Variants in LRRK2 observed in about 807,000 individuals in gnomAD.
LRRK2 encodes the protein leucine-rich repeat serine/threonine-protein kinase 2.
LRRK2 carries 203 observed loss-of-function variants against 302.6 expected under a neutral mutation model. The observed-to-expected ratio is 0.67, with a 90% confidence interval of 0.60 to 0.75. The LOEUF (loss-of-function observed/expected upper bound fraction) is 0.75. Among genes scored for constraint, LRRK2 ranks in the 30% least tolerant of loss-of-function variants. LRRK2 has a pLI of 0.00. For synonymous variants in LRRK2, 1,066 were observed against 1,031.9 expected, an observed-to-expected ratio of 1.03 and a Z score of -0.63; for missense variants, 2,830 against 2,951.0, an observed-to-expected ratio of 0.96 and a Z score of 0.95.
chr12:40,256,299 A>T (rs1340514011), intron 11 of LRRK2, among the ~76,000 whole-genome samples: 1 of 152,148 alleles, frequency 6.6e-6, no homozygotes, highest in Non-Finnish European at 1.5e-5. Flanking sequence ...ATTAACAAAA[A>T]TTAGCCAGGC....
chr12:40,313,250 A>G (rs1006070992), intron 31 of LRRK2, among the ~76,000 whole-genome samples: 21 of 152,052 alleles, frequency 1.4e-4, no homozygotes, highest in African/African-American at 5.1e-4. Flanking sequence ...TATTTTAAAA[A>G]ACGTTTGGAA....
Position 40,295,660 on chromosome 12 carries a change from C to A in LRRK2, c.3096+16C>A, listed in dbSNP as rs751289707. ...GCTATGTGAAGTAAATTTAATTTAT[C>A]CTTGTAACTTTCAAGACATTTGAAG... On this transcript the variant is annotated intron_variant, in intron 23 of 50. Transcript: ENST00000298910. 2 of 1,606,922 alleles carry A rather than the reference C, an allele frequency of 1.2e-6. No individual in the cohort carries two copies. Among genetic ancestry groups the A allele is most frequent in the South Asian group, 2.2e-5 (2 of 90,818 alleles).
At chr12:40,291,081 A>G (rs1170689175) in intron 20 of LRRK2, among the ~76,000 whole-genome samples, 2 of 152,114 alleles carry the variant, frequency 1.3e-5, no homozygotes, top group Non-Finnish European at 1.5e-5. Context: ...CATGTACACC[A>G]TGGAATACTA....
intron 14 of LRRK2, among the ~76,000 whole-genome samples, chr12:40,265,737 C>A (rs1330687574): frequency 6.6e-6 from 1 of 152,130 alleles, no homozygotes; most frequent in Non-Finnish European, 1.5e-5. Flanking sequence ...CCCCACGCTA[C>A]CTGACTTCAA....
chr12:40,305,926 G>C lies in LRRK2; in HGVS notation c.3919G>C (p.Asp1307His), dbSNP rs1944806223. The C allele has an allele frequency of 6.2e-7, 1 of 1,612,262 alleles. No individual in the cohort carries two copies. The highest frequency in any genetic ancestry group is 2.2e-5 in the East Asian group (1 of 44,832). Residue 1307 changes from aspartate to histidine, a missense_variant, in exon 28 of 51, where the codon GAT becomes CAT. Asp to His is a moderately conservative substitution (Grantham distance 81). Transcript: ENST00000298910. ...LPLDELHLNF[D>H]FKHIGCKAKD... ...TTTGGATGAACTGCATCTTAACTTTGATTTTAAACATATAGGATGTAAAGC... is the reference window on the plus strand; with the variant it reads ...TTTGGATGAACTGCATCTTAACTTTCATTTTAAACATATAGGATGTAAAGC...
In LRRK2 at chr12:40,235,552, CA is replaced by C. The variant is rs75759934; in HGVS notation, c.348-66del. On this transcript the variant is annotated intron_variant, in intron 3 of 50. Coordinates refer to ENST00000298910, the MANE Select transcript of LRRK2 (RefSeq NM_198578.4). ...ATGAGAGTAATAAAAAATAGGTGAGCAAAAAAAATGCAAATAAGCAAACTTT... is the reference window on the plus strand; with the variant it reads ...ATGAGAGTAATAAAAAATAGGTGAGCAAAAAAATGCAAATAAGCAAACTTT... The C allele has an allele frequency of 0.014, 13,678 of 980,726 alleles. 1,192 individuals are homozygous for C. The Admixed American group carries it at 0.17, about 12-fold the overall frequency. 60.8% of individuals were successfully genotyped at this position (980,726 alleles called of 1,614,324 possible). A position where few individuals can be genotyped will look rare whatever the true frequency, so the allele number is the denominator to read the frequency against.
rs66810434 is a variant in LRRK2 at position 40,287,550 on chromosome 12, T to TAA, written c.2689+19_2689+20dup. 3.8e-4 allele frequency: 616 copies of TAA among 1,602,442 alleles called. 2 individuals carry two copies. In the African/African-American group the frequency reaches 5.4e-3, roughly 14 times the overall value. On this transcript the variant is annotated intron_variant, in intron 20 of 50. Transcript: ENST00000298910. Reference sequence around the variant, plus strand: ...ACCTGGATAGTGAAGGTATTTATTATAAAAAAAAACCCTTTATGCTTTATA... The same window carrying TAA: ...ACCTGGATAGTGAAGGTATTTATTATAAAAAAAAAAACCCTTTATGCTTTATA...
intron 39 of LRRK2, among the ~76,000 whole-genome samples, chr12:40,331,621 TA>T (rs1422413872): frequency 6.6e-6 from 1 of 152,202 alleles, no homozygotes; most frequent in Non-Finnish European, 1.5e-5. Flanking sequence ...CATAATGTTT[TA>T]AGAAAGTTTA....
chr12:40,298,161 G>A, intron 23 of LRRK2, 82 bp from the exon 24 acceptor site: 1 of 1,413,280 alleles, frequency 7.1e-7, no homozygotes, highest in South Asian at 1.2e-5. Flanking sequence ...CTAGTTACCA[G>A]AGGTGTGTAA....
chr12:40,361,029 G>A (rs1026397719), intron 47 of LRRK2, among the ~76,000 whole-genome samples: 3 of 152,018 alleles, frequency 2.0e-5, no homozygotes, highest in South Asian at 2.1e-4. Context: ...TTTCAACATT[G>A]GCTGTGCATT....
intron 39 of LRRK2, among the ~76,000 whole-genome samples, chr12:40,330,660 G>GAT (rs1255599998): frequency 2.0e-5 from 3 of 151,932 alleles, no homozygotes; most frequent in Non-Finnish European, 2.9e-5. Flanking sequence ...TGGGACATAT[G>GAT]ATATATATAT....
At chr12:40,246,561 C>T (rs969787747) in intron 7 of LRRK2, among the ~76,000 whole-genome samples, 1 of 152,076 alleles carries the variant, frequency 6.6e-6, no homozygotes, top group African/African-American at 2.4e-5. Context: ...TCTAAACCAA[C>T]TGCTTCTAGG....
At chr12:40,238,252 G>A in intron 5 of LRRK2, 149 bp downstream of exon 5, 1 of 792,382 alleles carries the variant, frequency 1.3e-6, no homozygotes. Context: ...GTGAGGAATG[G>A]GGTTAATTCA....
At chr12:40,266,838 T>A (rs892538084) in intron 14 of LRRK2, among the ~76,000 whole-genome samples, 1 of 152,054 alleles carries the variant, frequency 6.6e-6, no homozygotes, top group South Asian at 2.1e-4. Context: ...AATGATGAGT[T>A]CATGTCCTTT....
intron 20 of LRRK2, among the ~76,000 whole-genome samples, chr12:40,287,956 TA>T (rs1943993327): frequency 6.6e-6 from 1 of 151,858 alleles, no homozygotes; most frequent in African/African-American, 2.4e-5. Context: ...AAGCGCTTAA[TA>T]AAAAAGGTTT....
At chr12:40,311,991 A>G (rs934141396) in intron 31 of LRRK2, among the ~76,000 whole-genome samples, 1 of 151,750 alleles carries the variant, frequency 6.6e-6, no homozygotes, top group African/African-American at 2.4e-5. Context: ...CTATACCCAT[A>G]CTTCAATAAC....
At chr12:40,280,349 C>G (rs567027167) in intron 18 of LRRK2, among the ~76,000 whole-genome samples, 23 of 152,050 alleles carry the variant, frequency 1.5e-4, no homozygotes, top group Non-Finnish European at 2.9e-4. Context: ...TAGCTTCATG[C>G]AGGGTGGCTC....
At chr12:40,278,395 G>A (rs1424971555) in intron 18 of LRRK2, 134 bp downstream of exon 18, 2 of 1,070,006 alleles carry the variant, frequency 1.9e-6, no homozygotes, top group East Asian at 2.5e-5. Context: ...GCAATTGTTT[G>A]TGTCTTGTAG....
At chr12:40,231,809 T>C (rs958480703) in intron 2 of LRRK2, among the ~76,000 whole-genome samples, 2 of 145,680 alleles carry the variant, frequency 1.4e-5, no homozygotes, top group Non-Finnish European at 3.0e-5. Context: ...ATATATATAA[T>C]ATATATATAT....
Sources: allele counts gnomAD v4.1 joint callset (sites outside exome capture counted in the v4.1 genomes callset), GRCh38; gene constraint gnomAD v4.1.1; transcripts MANE v1.5; gene names NCBI Gene and HGNC (gene_info 2026-07-23, HGNC 2026-07-21).